SETBP1: variants seen among roughly 807,000 people sequenced by gnomAD.
SETBP1 encodes SET binding protein 1.
SETBP1 carries 9 observed loss-of-function variants against 101.0 expected under a neutral mutation model. That is an observed-to-expected ratio of 0.09 (90% confidence interval 0.05 to 0.16). The LOEUF (loss-of-function observed/expected upper bound fraction) is 0.16. SETBP1 is among the 10% of genes least tolerant of loss of function. The pLI is 1.00. For synonymous variants in SETBP1, 818 were observed against 788.5 expected, an observed-to-expected ratio of 1.04 and a Z score of -0.63; for missense variants, 1,858 against 2,033.8, an observed-to-expected ratio of 0.91 and a Z score of 1.66.
intron 1 of SETBP1, among the ~76,000 whole-genome samples, chr18:44,694,067 T>C (rs543399671): frequency 6.6e-6 from 1 of 152,314 alleles, no homozygotes; most frequent in African/African-American, 2.4e-5. Flanking sequence ...TGTTCAGCTG[T>C]TTTTGTGAAT....
At chr18:44,869,313 T>C in intron 3 of SETBP1, 30 bp downstream of exon 3, 1 of 1,606,502 alleles carries the variant, frequency 6.2e-7, no homozygotes, top group Middle Eastern at 1.7e-4. Flanking sequence ...TTAAGAAGTT[T>C]GGAAGAGTAA....
At chr18:44,786,463 ACTGT>A (rs2071240977) in intron 2 of SETBP1, among the ~76,000 whole-genome samples, 1 of 152,208 alleles carries the variant, frequency 6.6e-6, no homozygotes, top group Non-Finnish European at 1.5e-5. Context: ...ACTACTGTGT[ACTGT>A]TCTATAGTCA....
At chr18:44,932,861 GT>G (rs1235706352) in intron 3 of SETBP1, among the ~76,000 whole-genome samples, 3 of 152,034 alleles carry the variant, frequency 2.0e-5, no homozygotes, top group African/African-American at 7.2e-5. Context: ...TTTTTTCAAG[GT>G]TTTTAGCTTC....
chr18:44,912,695 G>T (rs1011802209), intron 3 of SETBP1, among the ~76,000 whole-genome samples: 6 of 152,130 alleles, frequency 3.9e-5, no homozygotes, highest in African/African-American at 1.4e-4. Flanking sequence ...GGGATTACAG[G>T]CGTGAGCCAC....
intron 2 of SETBP1, among the ~76,000 whole-genome samples, chr18:44,810,379 C>A (rs143041911): frequency 1.9e-4 from 29 of 152,292 alleles, no homozygotes; most frequent in African/African-American, 7.0e-4. Flanking sequence ...TTAAGGAACA[C>A]AATGAAAAGT....
chr18:44,902,418 T>C (rs1356994007), intron 3 of SETBP1, among the ~76,000 whole-genome samples: 3 of 144,368 alleles, frequency 2.1e-5, no homozygotes, highest in Non-Finnish European at 3.1e-5. Context: ...CTAAATTGGG[T>C]TGGGGCTCTT....
Position 44,888,388 on chromosome 18 carries a change from C to CT in SETBP1, c.540+19111dup, listed in dbSNP as rs569454417. Among the ~76,000 whole-genome samples, 590 of 152,046 alleles carry CT rather than the reference C, an allele frequency of 3.9e-3. 3 individuals are homozygous for CT. The highest frequency in any genetic ancestry group is 0.014 in the African/African-American group (571 of 41,490). ...TGCTCAGGTCAGTGCTTGGAGGAGC[C>CT]TTTTTTCAGGATCCCAAGAAGTAGT... On this transcript the variant is annotated intron_variant, in intron 3 of 5. Transcript: ENST00000649279.
intron 4 of SETBP1, among the ~76,000 whole-genome samples, chr18:44,957,420 AC>A (rs2071511782): frequency 6.6e-6 from 1 of 152,046 alleles, no homozygotes; most frequent in Non-Finnish European, 1.5e-5. Context: ...TACATGTGTT[AC>A]CTCTTAGTTT....
chr18:44,759,072 A>G (rs1399477252), intron 2 of SETBP1, among the ~76,000 whole-genome samples: 1 of 152,220 alleles, frequency 6.6e-6, no homozygotes, highest in Non-Finnish European at 1.5e-5. Flanking sequence ...AAATTGGAGA[A>G]CCATCATTTT....
At position 45,066,186 on chromosome 18, in the gene SETBP1, A is replaced by G. The variant is rs1038870031; in HGVS notation, c.*2488A>G. ...AAATTCCAAAAAAGCTTTGGGGTAC[A>G]TTAGAATTTCCAAAGCTCTGAAAGA... is the stretch of plus-strand genomic sequence containing the variant. On this transcript the variant is annotated 3_prime_UTR_variant, in exon 6 of 6. Coordinates refer to ENST00000649279, the MANE Select transcript of SETBP1 (RefSeq NM_015559.3). 2 of 152,222 alleles carry G rather than the reference A, an allele frequency of 1.3e-5. No homozygotes were observed. The highest frequency in any genetic ancestry group is 4.8e-5 in the African/African-American group (2 of 41,446). The allele number at this position is 152,222 out of a possible 1,614,324, so 9.4% of individuals were successfully genotyped here. A position where few individuals can be genotyped will look rare whatever the true frequency, so the allele number is the denominator to read the frequency against.
chr18:44,764,991 A>G (rs1282758932), intron 2 of SETBP1, among the ~76,000 whole-genome samples: 1 of 152,176 alleles, frequency 6.6e-6, no homozygotes, highest in African/African-American at 2.4e-5. Flanking sequence ...TTGTGAAGTA[A>G]TCCCCTCTAA....
chr18:44,893,338 C>G (rs1013798036), intron 3 of SETBP1, among the ~76,000 whole-genome samples: 1 of 152,110 alleles, frequency 6.6e-6, no homozygotes, highest in African/African-American at 2.4e-5. Flanking sequence ...CATAATAACC[C>G]TTGGGGGTAG....
At chr18:44,788,002 G>GTT (rs879795599) in intron 2 of SETBP1, among the ~76,000 whole-genome samples, 1,576 of 144,716 alleles carry the variant, frequency 0.011, 26 homozygotes, top group African/African-American at 0.038. Flanking sequence ...GTTTATTGGA[G>GTT]TTTTTTTTTT....
chr18:44,757,535 TAACTGG>T (rs982463392), intron 2 of SETBP1, among the ~76,000 whole-genome samples: 25 of 152,214 alleles, frequency 1.6e-4, no homozygotes, highest in Admixed American at 6.5e-5. Context: ...CCACTACAGT[TAACTGG>T]ATTGCATTAT....
intron 2 of SETBP1, among the ~76,000 whole-genome samples, chr18:44,852,653 T>G (rs1191518144): frequency 6.6e-6 from 1 of 152,072 alleles, no homozygotes; most frequent in Non-Finnish European, 1.5e-5. Context: ...CTAGCCAGGA[T>G]TTGGAGGACC....
chr18:44,978,535 A>G (rs1254738353), intron 4 of SETBP1, among the ~76,000 whole-genome samples: 1 of 152,188 alleles, frequency 6.6e-6, no homozygotes, highest in Non-Finnish European at 1.5e-5. Flanking sequence ...GATTCTTATG[A>G]TATCTGCCTC....
intron 2 of SETBP1, among the ~76,000 whole-genome samples, chr18:44,703,049 G>C (rs1179518482): frequency 6.6e-6 from 1 of 152,208 alleles, no homozygotes; most frequent in African/African-American, 2.4e-5. Context: ...GTGACTTACA[G>C]TGACCTCCCT....
At chr18:44,885,851 AAAAAAC>A (rs1007371487) in intron 3 of SETBP1, among the ~76,000 whole-genome samples, 19 of 42,406 alleles carry the variant, frequency 4.5e-4, no homozygotes, top group African/African-American at 9.0e-4. Context: ...TTAAAAAAAA[AAAAAAC>A]AAAAAAAAAA....
intron 3 of SETBP1, chr18:44,876,689 C>A: frequency 1.3e-6 from 2 of 1,521,512 alleles, no homozygotes; most frequent in Non-Finnish European, 8.8e-7. Context: ...CCATTCCCCG[C>A]AAAACCCGGT....
Sources: allele counts gnomAD v4.1 joint callset (sites outside exome capture counted in the v4.1 genomes callset), GRCh38; gene constraint gnomAD v4.1.1; transcripts MANE v1.5; gene names NCBI Gene and HGNC (gene_info 2026-07-23, HGNC 2026-07-21).